Variants in VEZT observed in about 807,000 individuals in gnomAD.
VEZT encodes the protein vezatin.
Under a neutral mutation model 79.9 loss-of-function variants are expected in VEZT, and 39 were observed. That is an observed-to-expected ratio of 0.49 (90% CI 0.38 to 0.64). The LOEUF (loss-of-function observed/expected upper bound fraction) is 0.64. Ranked by LOEUF, VEZT falls within the 30% of genes least tolerant of loss-of-function variation. VEZT has a pLI of 0.00. For synonymous variants in VEZT, 325 were observed against 327.6 expected (o/e 0.99, Z 0.09); for missense variants, 837 against 893.1 (o/e 0.94, Z 0.80).
chr12:95,232,385 G>A (rs929206529), intron 1 of VEZT, among the ~76,000 whole-genome samples: 2 of 152,160 alleles, frequency 1.3e-5, no homozygotes, highest in African/African-American at 2.4e-5. Context: ...TTACAAGTTG[G>A]TACAAACTTG....
At chr12:95,268,177 G>C (rs1178702374) in intron 5 of VEZT, among the ~76,000 whole-genome samples, 1 of 151,838 alleles carries the variant, frequency 6.6e-6, no homozygotes, top group African/African-American at 2.4e-5. Context: ...AATTTTAAAA[G>C]TTTAAAAAAA....
At chr12:95,263,486 C>T (rs1406124392) in intron 4 of VEZT, among the ~76,000 whole-genome samples, 2 of 151,954 alleles carry the variant, frequency 1.3e-5, no homozygotes, top group Non-Finnish European at 2.9e-5. Context: ...CCCATCTCTA[C>T]AAAACATGAA....
At chr12:95,270,307 T>C in intron 6 of VEZT, 119 bp downstream of exon 6, 2 of 1,040,092 alleles carry the variant, frequency 1.9e-6, no homozygotes, top group Non-Finnish European at 2.7e-6. Flanking sequence ...TTGAAGCTAA[T>C]TTCCATCATC....
Position 95,294,391 on chromosome 12 carries a change from G to A in VEZT, c.1623+19G>A. 1 of 1,538,118 alleles carries A rather than the reference G, an allele frequency of 6.5e-7. No homozygotes were observed. Among genetic ancestry groups the A allele is most frequent in the East Asian group, 2.4e-5 (1 of 41,672 alleles). On this transcript the variant is annotated intron_variant, in intron 10 of 11. Coordinates refer to ENST00000436874, the MANE Select transcript of VEZT (RefSeq NM_017599.4). ...GGAGCAGGTAAGGGTGAAAATTACT[G>A]TTCTTTCCCTTGTTGGATTTCTGTT...
At chr12:95,288,083 CAT>C (rs1442396554) in intron 9 of VEZT, among the ~76,000 whole-genome samples, 1 of 152,034 alleles carries the variant, frequency 6.6e-6, no homozygotes, top group Non-Finnish European at 1.5e-5. Flanking sequence ...TTCAGTGAAT[CAT>C]ATCTCTTTTT....
At position 95,300,242 on chromosome 12, in the gene VEZT, G is replaced by A. The variant is rs1192397123; in HGVS notation, c.1909G>A (p.Gly637Arg). The change falls in exon 12 of 12, where the codon GGA (glycine) becomes AGA (arginine). Residue 637 changes from glycine (G) to arginine (R), a missense_variant. Physicochemically the swap from Gly to Arg is moderately radical, Grantham distance 125. Coordinates refer to ENST00000436874, the MANE Select transcript of VEZT (RefSeq NM_017599.4). ...NSEPSMNSDM[G>R]KVSKNDTEEE... ...AGAACCATCAATGAATTCAGATATG[G>A]GAAAAGTCAGTAAAAATGATACTGA... 1 of 1,572,416 alleles carries A rather than the reference G, an allele frequency of 6.4e-7. No homozygotes were observed. The highest frequency in any genetic ancestry group is 2.3e-5 in the East Asian group (1 of 42,942).
chr12:95,264,869 CTTTTTTT>C (rs71078693), intron 4 of VEZT, among the ~76,000 whole-genome samples: 1 of 113,362 alleles, frequency 8.8e-6, no homozygotes, highest in African/African-American at 3.5e-5. Flanking sequence ...CTTTTCTTTT[CTTTTTTT>C]TTTTTTTTTT....
intron 1 of VEZT, among the ~76,000 whole-genome samples, chr12:95,228,234 C>T (rs373090223): frequency 6.6e-5 from 10 of 152,198 alleles, no homozygotes; most frequent in African/African-American, 2.4e-4. Flanking sequence ...AAACCTTTCA[C>T]ATTTAAAAGG....
At chr12:95,263,190 A>C in intron 4 of VEZT, 109 bp downstream of exon 4, 1 of 1,028,046 alleles carries the variant, frequency 9.7e-7, no homozygotes, top group East Asian at 2.6e-5. Context: ...CCATACATTT[A>C]GCAGTACAAT....
intron 1 of VEZT, among the ~76,000 whole-genome samples, chr12:95,223,741 G>A (rs1022402395): frequency 3.9e-5 from 6 of 152,176 alleles, no homozygotes; most frequent in Non-Finnish European, 8.8e-5. Flanking sequence ...GTGAGCCACC[G>A]TGCCTGGCCT....
chr12:95,223,441 A>G (rs916939019), intron 1 of VEZT, among the ~76,000 whole-genome samples: 2 of 151,994 alleles, frequency 1.3e-5, no homozygotes, highest in African/African-American at 4.8e-5. Flanking sequence ...AACTTACCAG[A>G]TAGACTTTTC....
At chr12:95,224,183 C>T (rs1369560709) in intron 1 of VEZT, 11 of 455,896 alleles carry the variant, frequency 2.4e-5, no homozygotes, top group Admixed American at 7.1e-5. Context: ...CATTTAGGTT[C>T]GGCCAGTGGG....
intron 1 of VEZT, among the ~76,000 whole-genome samples, chr12:95,230,327 ATTG>A (rs1200589115): frequency 6.6e-6 from 1 of 152,052 alleles, no homozygotes; most frequent in Non-Finnish European, 1.5e-5. Flanking sequence ...CCTATCTCTT[ATTG>A]TTGAGGTTTT....
At chr12:95,274,038 A>G (rs1042243382) in intron 6 of VEZT, among the ~76,000 whole-genome samples, 3 of 152,240 alleles carry the variant, frequency 2.0e-5, no homozygotes, top group Admixed American at 1.3e-4. Context: ...CAGTCTGTGT[A>G]TTTCAGATAA....
chr12:95,222,710 A>T (rs1401261615), intron 1 of VEZT, among the ~76,000 whole-genome samples: 1 of 152,178 alleles, frequency 6.6e-6, no homozygotes, highest in Non-Finnish European at 1.5e-5. Context: ...AAAAAACCCT[A>T]CTGAGACTTT....
intron 8 of VEZT, among the ~76,000 whole-genome samples, 160 bp downstream of exon 8, chr12:95,282,804 AAT>A (rs916298239): frequency 1.4e-4 from 21 of 148,096 alleles, no homozygotes; most frequent in Non-Finnish European, 2.7e-4. Context: ...AAAAAAAAAA[AAT>A]AATTTATAAG....
intron 11 of VEZT, 179 bp downstream of exon 11, chr12:95,296,437 C>T: frequency 2.2e-6 from 1 of 450,982 alleles, no homozygotes; most frequent in East Asian, 3.6e-5. Context: ...AGGAATGTAA[C>T]CACATTGGAA....
At chr12:95,265,125 T>G (rs953163022) in intron 4 of VEZT, among the ~76,000 whole-genome samples, 2 of 152,152 alleles carry the variant, frequency 1.3e-5, no homozygotes, top group South Asian at 2.1e-4. Flanking sequence ...CCTCTCAAAG[T>G]GCTGAGATTA....
chr12:95,272,089 G>A (rs1354035085), intron 6 of VEZT, among the ~76,000 whole-genome samples: 1 of 152,092 alleles, frequency 6.6e-6, no homozygotes, highest in Non-Finnish European at 1.5e-5. Context: ...AGGATTCCTT[G>A]AGCCCAAAAG....
Sources: gnomAD v4.1 joint callset for allele counts (sites outside exome capture counted in the v4.1 genomes callset) on GRCh38, gnomAD v4.1.1 for gene constraint, MANE v1.5 for transcripts, NCBI Gene and HGNC (gene_info 2026-07-23, HGNC 2026-07-21) for gene names.